PCNX2: variants seen among roughly 807,000 people sequenced by gnomAD.
The protein encoded by PCNX2 is pecanex-like protein 2.
Under a neutral mutation model 223.8 loss-of-function variants are expected in PCNX2, and 168 were observed. That is an observed-to-expected ratio of 0.75 (90% CI 0.66 to 0.85). The LOEUF is 0.85. Among genes scored for constraint, PCNX2 ranks in the 40% least tolerant of loss-of-function variants. The pLI is 0.00. For missense variants in PCNX2, 2,507 were observed against 2,675.5 expected (o/e 0.94, Z 1.39); for synonymous variants, 1,006 against 1,052.6 (o/e 0.96, Z 0.86).
intron 32 of PCNX2, among the ~76,000 whole-genome samples, chr1:232,987,996 G>T (rs941556578): frequency 6.6e-6 from 1 of 152,222 alleles, no homozygotes; most frequent in African/African-American, 2.4e-5. Context: ...CTCGCATGGG[G>T]CCCACCCGCC....
At chr1:233,249,392 T>C (rs903510687) in intron 8 of PCNX2, among the ~76,000 whole-genome samples, 9 of 152,228 alleles carry the variant, frequency 5.9e-5, no homozygotes, top group Non-Finnish European at 1.3e-4. Context: ...TGCGTTCTCA[T>C]GCAATTACAT....
At chr1:232,987,661 C>T (rs577822746) in intron 32 of PCNX2, among the ~76,000 whole-genome samples, 1 of 152,258 alleles carries the variant, frequency 6.6e-6, no homozygotes, top group Admixed American at 6.5e-5. Flanking sequence ...GTGAAGCGGG[C>T]GTGGCTGCCT....
intron 20 of PCNX2, among the ~76,000 whole-genome samples, chr1:233,137,116 A>G (rs569809021): frequency 2.1e-4 from 32 of 152,358 alleles, no homozygotes; most frequent in African/African-American, 7.7e-4. Context: ...ATGTTGTTTC[A>G]GTATAACATT....
At chr1:233,313,557 ACAAGC>A in the PCNX2 span, among the ~76,000 whole-genome samples, 2 of 152,174 alleles carry the variant, frequency 1.3e-5, no homozygotes, top group Non-Finnish European at 2.9e-5. Context: ...AAGCAAGAAA[ACAAGC>A]AAGCAAGACA....
Position 233,259,232 on chromosome 1 carries a change from C to T in PCNX2, c.630G>A (p.Lys210=), listed in dbSNP as rs369726442. The change falls in exon 5 of 34, where the codon AAG becomes AAA. Residue 210 remains lysine, a synonymous_variant. Transcript: ENST00000258229. ...CAACTGGTTTTACAGGTATTACTGA[C>T]TTGGTCGTGGTTTCCAGCATGTGTG... ...SQAHMLETTT[K]SVIPVKPVAT... 1.9e-6 allele frequency: 3 copies of T among 1,613,818 alleles called. No homozygotes were observed. The highest frequency in any genetic ancestry group is 1.3e-5 in the African/African-American group (1 of 74,902).
At chr1:233,069,121 G>A (rs1252476960) in intron 23 of PCNX2, among the ~76,000 whole-genome samples, 1 of 152,048 alleles carries the variant, frequency 6.6e-6, no homozygotes, top group African/African-American at 2.4e-5. Flanking sequence ...AGACAGAAAC[G>A]AACATTGTAT....
intron 25 of PCNX2, among the ~76,000 whole-genome samples, chr1:233,044,638 A>G (rs1041003210): frequency 3.9e-5 from 6 of 152,256 alleles, no homozygotes; most frequent in African/African-American, 1.4e-4. Context: ...AAAAGAATAG[A>G]ATAGAAAAAT....
Position 233,261,278 on chromosome 1 carries a change from A to C in PCNX2, c.517+7T>G. 1 of 1,606,016 alleles carries C rather than the reference A, an allele frequency of 6.2e-7. No homozygotes were observed. Among genetic ancestry groups the C allele is most frequent in the Non-Finnish European group, 8.5e-7 (1 of 1,173,018 alleles). ...CTGTGATAAAATATAAATGATTAAC[A>C]GTTTACCTTTGAGATCTTCTACAGT... On this transcript the variant is annotated splice_region_variant and intron_variant, in intron 4 of 33. Coordinates refer to ENST00000258229, the MANE Select transcript of PCNX2 (RefSeq NM_014801.4).
chr1:233,054,979 C>T (rs1280846773), intron 24 of PCNX2, among the ~76,000 whole-genome samples: 1 of 152,126 alleles, frequency 6.6e-6, no homozygotes, highest in African/African-American at 2.4e-5. Flanking sequence ...ATAATGCATT[C>T]ATCTGTTGTA....
chr1:233,235,518 A>G (rs1558375762), intron 9 of PCNX2, among the ~76,000 whole-genome samples: 1 of 152,196 alleles, frequency 6.6e-6, no homozygotes, highest in Non-Finnish European at 1.5e-5. Context: ...TCAGAGCAAT[A>G]TGTGGTCAGC....
intron 8 of PCNX2, among the ~76,000 whole-genome samples, 166 bp from the exon 9 acceptor site, chr1:233,237,146 C>T (rs1480832727): frequency 1.3e-5 from 2 of 152,182 alleles, no homozygotes; most frequent in African/African-American, 2.4e-5. Flanking sequence ...TACAAGGCTA[C>T]CTTCAGGTAG....
At chr1:233,157,223 T>C (rs1009792810) in intron 19 of PCNX2, among the ~76,000 whole-genome samples, 1 of 152,128 alleles carries the variant, frequency 6.6e-6, no homozygotes, top group Non-Finnish European at 1.5e-5. Flanking sequence ...ATTCAGTCTA[T>C]ACATGATTGC....
intron 13 of PCNX2, among the ~76,000 whole-genome samples, chr1:233,202,564 C>G (rs1336362458): frequency 2.0e-5 from 3 of 151,978 alleles, no homozygotes; most frequent in Admixed American, 2.0e-4. Flanking sequence ...TTCAATGTGC[C>G]CTATCTGTGT....
At chr1:233,298,626 C>T (rs111741339), upstream of PCNX2, among the ~76,000 whole-genome samples, 976 of 152,228 alleles carry the variant, frequency 6.4e-3, 12 homozygotes, top group African/African-American at 0.023. Context: ...TGGTGGTTCA[C>T]GCCTGTAATC....
At chr1:233,112,923 G>A (rs1302666554) in intron 21 of PCNX2, 4 of 1,289,210 alleles carry the variant, frequency 3.1e-6, no homozygotes, top group Non-Finnish European at 3.0e-6. Flanking sequence ...AACTTGCATG[G>A]TTTGAGTTAA....
At chr1:233,178,814 T>C (rs935238543) in intron 16 of PCNX2, among the ~76,000 whole-genome samples, 2 of 152,246 alleles carry the variant, frequency 1.3e-5, no homozygotes, top group Non-Finnish European at 2.9e-5. Flanking sequence ...TTCCTGCCAC[T>C]GTGCATTTTA....
chr1:233,290,811 A>C, intron 1 of PCNX2: 1 of 985,468 alleles, frequency 1.0e-6, no homozygotes, highest in Non-Finnish European at 1.2e-6. Context: ...AAGTTAAAGG[A>C]AAGGAAACAG....
At position 233,259,049 on chromosome 1, in the gene PCNX2, A is replaced by G. The variant is rs1659901970; in HGVS notation, c.813T>C (p.Val271=). ...TCTCACTCCCCCACGGCTGGAAAGAAACGTCTGTTTCTAGTAAGTCATACT... is the reference window on the plus strand; with the variant it reads ...TCTCACTCCCCCACGGCTGGAAAGAGACGTCTGTTTCTAGTAAGTCATACT... The part of the protein sequence containing the change: ...LSQYDLLETD[V]SFQPWGSENS... The change falls in exon 5 of 34, where the codon GTT becomes GTC. Residue 271 remains valine, a synonymous_variant. Coordinates refer to ENST00000258229, the MANE Select transcript of PCNX2 (RefSeq NM_014801.4). 4 of 1,613,890 alleles carry G rather than the reference A, an allele frequency of 2.5e-6. No individual in the cohort carries two copies. The Admixed American group carries it at 5.0e-5, about 20-fold the overall frequency.
chr1:233,011,972 C>A (rs1670484145), intron 28 of PCNX2, among the ~76,000 whole-genome samples: 1 of 152,182 alleles, frequency 6.6e-6, no homozygotes, highest in African/African-American at 2.4e-5. Flanking sequence ...GTGGCCCAGA[C>A]TTGTGGGCCT....
Sources: gnomAD v4.1 joint callset for allele counts (sites outside exome capture counted in the v4.1 genomes callset) on GRCh38, gnomAD v4.1.1 for gene constraint, MANE v1.5 for transcripts, NCBI Gene and HGNC (gene_info 2026-07-23, HGNC 2026-07-21) for gene names.